Variants in PTPRQ observed in about 807,000 individuals in gnomAD.
PTPRQ encodes the protein phosphatidylinositol phosphatase PTPRQ.
PTPRQ carries 199 observed loss-of-function variants against 246.0 expected under a neutral mutation model. The observed-to-expected ratio is 0.81, with a 90% CI of 0.72 to 0.91. The LOEUF (loss-of-function observed/expected upper bound fraction) is 0.91, where lower values mean the gene tolerates loss of function less well. PTPRQ is among the 40% of genes least tolerant of loss of function. The pLI, the probability that PTPRQ is intolerant of heterozygous loss-of-function variation, is 0.00. For synonymous variants in PTPRQ, 869 were observed against 853.2 expected, an observed-to-expected ratio of 1.02 and a Z score of -0.32; for missense variants, 2,624 against 2,528.4, an observed-to-expected ratio of 1.04 and a Z score of -0.81.
intron 20 of PTPRQ, among the ~76,000 whole-genome samples, chr12:80,540,899 A>C (rs1276060778): frequency 6.6e-6 from 1 of 152,104 alleles, no homozygotes; most frequent in African/African-American, 2.4e-5. Flanking sequence ...ACCATGGATA[A>C]TAAGCACTTA....
chr12:80,474,545 C>CT (rs1390210925), intron 8 of PTPRQ, among the ~76,000 whole-genome samples: 1 of 152,142 alleles, frequency 6.6e-6, no homozygotes, highest in East Asian at 1.9e-4. Context: ...TAGCAGTTCT[C>CT]TTATGTATTT....
intron 25 of PTPRQ, among the ~76,000 whole-genome samples, chr12:80,569,156 T>G (rs1897067665): frequency 1.3e-5 from 2 of 150,968 alleles, no homozygotes; most frequent in Admixed American, 1.3e-4. Flanking sequence ...TTTTACTTTT[T>G]AAAAAATTTG....
intron 26 of PTPRQ, among the ~76,000 whole-genome samples, chr12:80,589,733 G>A (rs894305818): frequency 2.0e-5 from 3 of 152,174 alleles, no homozygotes; most frequent in African/African-American, 7.2e-5. Context: ...TGACACAATT[G>A]TCCAACCTTT....
chr12:80,627,197 C>G (rs777190128), intron 33 of PTPRQ, among the ~76,000 whole-genome samples: 23 of 151,848 alleles, frequency 1.5e-4, no homozygotes, highest in Non-Finnish European at 2.8e-4. Flanking sequence ...ATTTATTCCT[C>G]CTATCTAACT....
chr12:80,455,048 C>G (rs565599576), intron 3 of PTPRQ, among the ~76,000 whole-genome samples: 1 of 152,232 alleles, frequency 6.6e-6, no homozygotes, highest in Non-Finnish European at 1.5e-5. Flanking sequence ...TGGCGAGTGC[C>G]TGTAATCCCA....
intron 25 of PTPRQ, among the ~76,000 whole-genome samples, chr12:80,563,534 C>T (rs1170899436): frequency 1.3e-5 from 2 of 152,136 alleles, no homozygotes; most frequent in Non-Finnish European, 2.9e-5. Context: ...TGCAAATATT[C>T]AGACCAAAGC....
At chr12:80,590,685 A>AC (rs1175723863) in intron 26 of PTPRQ, among the ~76,000 whole-genome samples, 6 of 151,456 alleles carry the variant, frequency 4.0e-5, no homozygotes, top group South Asian at 2.1e-4. Flanking sequence ...AAAAAAAAAA[A>AC]AAAAAACTAT....
chr12:80,632,885 G>C (rs1485753094), intron 34 of PTPRQ, among the ~76,000 whole-genome samples: 13 of 152,138 alleles, frequency 8.5e-5, no homozygotes. Context: ...TACTACTTGA[G>C]ACTGTTCACG....
At chr12:80,630,682 C>T (rs1334975472) in intron 33 of PTPRQ, among the ~76,000 whole-genome samples, 1 of 152,106 alleles carries the variant, frequency 6.6e-6, no homozygotes, top group Non-Finnish European at 1.5e-5. Flanking sequence ...ATGTTTGTTA[C>T]CTGAATCAAC....
At chr12:80,531,012 A>C (rs1436827365) in intron 17 of PTPRQ, among the ~76,000 whole-genome samples, 1 of 152,084 alleles carries the variant, frequency 6.6e-6, no homozygotes, top group Non-Finnish European at 1.5e-5. Context: ...CAACATAACA[A>C]GACCTTGTCG....
chr12:80,512,426 C>T (rs1733017122), intron 17 of PTPRQ, among the ~76,000 whole-genome samples: 1 of 152,146 alleles, frequency 6.6e-6, no homozygotes, highest in Non-Finnish European at 1.5e-5. Flanking sequence ...AACTCCATGT[C>T]AATGGGAGCC....
intron 17 of PTPRQ, among the ~76,000 whole-genome samples, chr12:80,517,721 A>T (rs1244026065): frequency 6.6e-6 from 1 of 151,756 alleles, no homozygotes; most frequent in African/African-American, 2.4e-5. Context: ...AATTGTTTTG[A>T]TATTTAGCAT....
At chr12:80,643,584 AAGAATACAGAAGGATGTGAC>A (rs1426575839) in intron 35 of PTPRQ, among the ~76,000 whole-genome samples, 2 of 152,128 alleles carry the variant, frequency 1.3e-5, no homozygotes, top group Non-Finnish European at 2.9e-5. Context: ...GATTTGGTAA[AAGAATACAGAAGGATGTGAC>A]AGAATGCAGA....
chr12:80,581,285 T>A (rs1897426678), intron 25 of PTPRQ, among the ~76,000 whole-genome samples: 1 of 152,196 alleles, frequency 6.6e-6, no homozygotes, highest in African/African-American at 2.4e-5. Context: ...ATTTGTACAC[T>A]GATTCTTATG....
At position 80,600,218 on chromosome 12, in the gene PTPRQ, T is replaced by C. The variant is rs534277306; in HGVS notation, c.4610-4841T>C. Among the ~76,000 whole-genome samples, 51 of 151,904 alleles carry C rather than the reference T, an allele frequency of 3.4e-4. No individual in the cohort carries two copies. In the South Asian group the frequency reaches 8.7e-3, roughly 26 times the overall value. ...TAAAATATTTAGTAGTATAGGTGATTATATGTGTTGTCATGAATGATCTTT... is the reference window on the plus strand; with the variant it reads ...TAAAATATTTAGTAGTATAGGTGATCATATGTGTTGTCATGAATGATCTTT... On this transcript the variant is annotated intron_variant, in intron 26 of 44. Transcript: ENST00000644991.
intron 19 of PTPRQ, among the ~76,000 whole-genome samples, chr12:80,538,434 A>G (rs1896052970): frequency 1.3e-5 from 2 of 152,214 alleles, no homozygotes; most frequent in African/African-American, 4.8e-5. Flanking sequence ...AACAAAAATT[A>G]AAATTTACAT....
At position 80,542,092 on chromosome 12, in the gene PTPRQ, C is replaced by T. The variant is rs1287033062; in HGVS notation, c.3449C>T (p.Pro1150Leu). 4 of 1,543,962 alleles carry T rather than the reference C, an allele frequency of 2.6e-6. No homozygotes were observed. In the African/African-American group the frequency reaches 5.5e-5, roughly 21 times the overall value. ...ATATTCTCTTTTTCTTTTATAGTCC[C>T]AGAAACTTCACCAATAATCAACACT... is the stretch of plus-strand genomic sequence containing the variant. ...QLYIKTEEDV[P>L]ETSPIINTFK... The change falls in exon 22 of 45, where the codon CCA becomes CTA. Residue 1150 changes from proline to leucine, a missense_variant. Transcript: ENST00000644991.
intron 33 of PTPRQ, among the ~76,000 whole-genome samples, chr12:80,628,801 G>A (rs1899304025): frequency 6.6e-6 from 1 of 152,094 alleles, no homozygotes; most frequent in Admixed American, 6.6e-5. Context: ...ATAAGATAAA[G>A]TTATGGAGGA....
In PTPRQ at chr12:80,588,045, T is replaced by C. The variant is rs929808379; in HGVS notation, c.4286-84T>C. 2.9e-6 allele frequency: 4 copies of C among 1,373,486 alleles called. No individual in the cohort carries two copies. In the African/African-American group the frequency reaches 5.9e-5, roughly 20 times the overall value. The allele number at this position is 1,373,486 out of a possible 1,614,324, so 85.1% of individuals were successfully genotyped here. ...AATTTGACAGATCTCTACTAGCTCC[T>C]CCATAATAGAATTCTATTCTTTCTT... On this transcript the variant is annotated intron_variant, in intron 25 of 44. Coordinates refer to ENST00000644991, the MANE Select transcript of PTPRQ (RefSeq NM_001145026.2).
Sources: allele counts gnomAD v4.1 joint callset (sites outside exome capture counted in the v4.1 genomes callset), GRCh38; gene constraint gnomAD v4.1.1; transcripts MANE v1.5; gene names NCBI Gene and HGNC (gene_info 2026-07-23, HGNC 2026-07-21).